PARD6G: variants seen among roughly 807,000 people sequenced by gnomAD.
PARD6G encodes partitioning defective 6 homolog gamma.
A neutral mutation model predicts 10.7 loss-of-function variants in PARD6G; 7 were observed. The ratio of observed to expected loss-of-function variants is 0.66; its 90% CI spans 0.37 to 1.23. The LOEUF is 1.23. Among genes scored for constraint, PARD6G ranks in the 50% most tolerant of loss-of-function variants. The probability of loss-of-function intolerance (pLI) is 0.02; values close to 1 mark genes in which losing one functional copy is unlikely to be tolerated. For synonymous variants in PARD6G, 287 were observed against 269.4 expected (o/e 1.07, Z -0.64); for missense variants, 548 against 571.8 (o/e 0.96, Z 0.42).
At chr18:80,223,648 A>G (rs1967255826) in intron 1 of PARD6G, among the ~76,000 whole-genome samples, 1 of 152,230 alleles carries the variant, frequency 6.6e-6, no homozygotes, top group African/African-American at 2.4e-5. Context: ...TTTTGTAAAC[A>G]GTCTGGGAGT....
intron 2 of PARD6G, among the ~76,000 whole-genome samples, chr18:80,167,716 G>C (rs1599844339): frequency 1.3e-5 from 2 of 152,154 alleles, no homozygotes; most frequent in East Asian, 3.9e-4. Context: ...GAACGCCCAG[G>C]GGATTTCTGA....
intron 2 of PARD6G, among the ~76,000 whole-genome samples, chr18:80,163,536 C>T (rs1040328416): frequency 6.6e-5 from 10 of 152,234 alleles, no homozygotes; most frequent in Non-Finnish European, 1.3e-4. Context: ...AGCCCCACCC[C>T]TGTTCCGCAT....
chr18:80,217,653 T>C (rs1967184075), intron 1 of PARD6G, among the ~76,000 whole-genome samples: 1 of 152,098 alleles, frequency 6.6e-6, no homozygotes, highest in South Asian at 2.1e-4. Context: ...TTCTACAAAA[T>C]GTCTGAAGAG....
At chr18:80,197,912 G>A (rs1966973189) in intron 2 of PARD6G, among the ~76,000 whole-genome samples, 1 of 152,108 alleles carries the variant, frequency 6.6e-6, no homozygotes, top group South Asian at 2.1e-4. Flanking sequence ...CCCTCTCATC[G>A]TGGCCAATCC....
intron 2 of PARD6G, chr18:80,162,335 C>A (rs2052705961): frequency 6.5e-6 from 1 of 153,642 alleles, no homozygotes; most frequent in Non-Finnish European, 1.5e-5. Context: ...ATGCCTGTAT[C>A]AAAATCTCAT....
rs1967356851 is a variant in PARD6G at position 80,231,478 on chromosome 18, G to T, written c.72+15799C>A. On this transcript the variant is annotated intron_variant, in intron 1 of 2. Transcript: ENST00000353265. The surrounding 1 kb of genome is among the most constrained non-coding windows in gnomAD (Gnocchi z 4.2). ...TGAGGGGATGCAGGCTGGGTCACTG[G>T]AGTTGTACAAATACAGACAGACAAC... Among the ~76,000 whole-genome samples, 1 of 152,176 alleles carries T rather than the reference G, an allele frequency of 6.6e-6. No homozygotes were observed. The highest frequency in any genetic ancestry group is 2.4e-5 in the African/African-American group (1 of 41,434).
intron 1 of PARD6G, among the ~76,000 whole-genome samples, chr18:80,238,916 G>A (rs936630063): frequency 4.6e-5 from 7 of 152,162 alleles, no homozygotes; most frequent in Admixed American, 6.5e-5. Flanking sequence ...CGTAGGCCAC[G>A]TGGGAGGGCC....
chr18:80,165,686 C>T (rs575931865), intron 2 of PARD6G, among the ~76,000 whole-genome samples: 20 of 152,316 alleles, frequency 1.3e-4, no homozygotes, highest in Non-Finnish European at 2.6e-4. Context: ...TCCCTGACTT[C>T]CCGCAATGGA....
chr18:80,179,981 C>T (rs948000423), intron 2 of PARD6G, among the ~76,000 whole-genome samples: 9 of 152,226 alleles, frequency 5.9e-5, no homozygotes, highest in South Asian at 2.1e-4. Context: ...AGAGCTGTGC[C>T]GTAGCTGGTC....
At chr18:80,216,227 G>T (rs1870265087) in intron 1 of PARD6G, among the ~76,000 whole-genome samples, 1 of 152,000 alleles carries the variant, frequency 6.6e-6, no homozygotes, top group Non-Finnish European at 1.5e-5. Flanking sequence ...CTAGGCAGAA[G>T]ATCAACAAAA....
intron 2 of PARD6G, among the ~76,000 whole-genome samples, chr18:80,196,904 A>G (rs1966961932): frequency 2.0e-5 from 3 of 150,242 alleles, no homozygotes; most frequent in South Asian, 4.2e-4. Flanking sequence ...AAAAAAAAAA[A>G]AAAAAAAAAA....
intron 2 of PARD6G, 67 bp downstream of exon 2, chr18:80,202,643 A>T: frequency 7.0e-7 from 1 of 1,435,848 alleles, no homozygotes; most frequent in African/African-American, 1.4e-5. Context: ...TGACAGAAAA[A>T]ATTGAAAACT....
At chr18:80,162,264 A>ATGAC in intron 2 of PARD6G, 1 of 152,414 alleles carries the variant, frequency 6.6e-6, no homozygotes, top group South Asian at 2.1e-4. Context: ...TTGAAATAAG[A>ATGAC]TGACTTTTAA....
At chr18:80,221,696 G>A (rs759156591) in intron 1 of PARD6G, among the ~76,000 whole-genome samples, 26 of 152,048 alleles carry the variant, frequency 1.7e-4, no homozygotes, top group African/African-American at 4.6e-4. Flanking sequence ...CTGTAGTTTC[G>A]ACCCAGGAAA....
intron 2 of PARD6G, among the ~76,000 whole-genome samples, chr18:80,176,417 G>A (rs574110609): frequency 1.3e-5 from 2 of 152,084 alleles, no homozygotes; most frequent in Non-Finnish European, 2.9e-5. Flanking sequence ...CAGACCTAAT[G>A]CCCAAGTAAA....
intron 2 of PARD6G, among the ~76,000 whole-genome samples, chr18:80,177,634 C>G (rs2052822278): frequency 6.7e-6 from 1 of 149,148 alleles, no homozygotes; most frequent in Admixed American, 6.7e-5. Flanking sequence ...AATCAAAGTC[C>G]AAATGGGAAG....
chr18:80,196,682 C>T (rs1334255060), intron 2 of PARD6G, among the ~76,000 whole-genome samples: 11 of 152,108 alleles, frequency 7.2e-5, no homozygotes, highest in Non-Finnish European at 1.5e-4. Flanking sequence ...CTGCTCACAG[C>T]GCCTGCAGGG....
intron 1 of PARD6G, among the ~76,000 whole-genome samples, chr18:80,204,801 A>G (rs556608244): frequency 3.2e-4 from 49 of 151,926 alleles, no homozygotes; most frequent in African/African-American, 1.2e-3. Context: ...GTACCAAAAA[A>G]TGAGCCAGGC....
At chr18:80,218,315 T>C (rs959421690) in intron 1 of PARD6G, among the ~76,000 whole-genome samples, 2 of 151,342 alleles carry the variant, frequency 1.3e-5, no homozygotes, top group South Asian at 2.1e-4. Context: ...CTAGATACAA[T>C]GGAGGTACAG....
Sources: allele counts gnomAD v4.1 joint callset (sites outside exome capture counted in the v4.1 genomes callset), GRCh38; gene constraint gnomAD v4.1.1; non-coding constraint Gnocchi (gnomAD v3.1); transcripts MANE v1.5; gene names NCBI Gene and HGNC (gene_info 2026-07-23, HGNC 2026-07-21).